Variants in LSP1 observed in about 807,000 individuals in gnomAD.
LSP1 encodes lymphocyte-specific protein 1.
Under a neutral mutation model 49.3 loss-of-function variants are expected in LSP1, and 32 were observed. The ratio of observed to expected loss-of-function variants is 0.65; its 90% confidence interval spans 0.49 to 0.87. LSP1 has a LOEUF of 0.87. Ranked by LOEUF, LSP1 falls within the 40% of genes least tolerant of loss-of-function variation. LSP1 has a pLI of 0.00. For missense variants in LSP1, 428 were observed against 442.6 expected (o/e 0.97, Z 0.30); for synonymous variants, 179 against 178.8 (o/e 1.00, Z -0.01).
intron 1 of LSP1, among the ~76,000 whole-genome samples, chr11:1,878,950 C>G (rs571798049): frequency 6.6e-6 from 1 of 152,002 alleles, no homozygotes; most frequent in Non-Finnish European, 1.5e-5. Context: ...CCAGCCTGTG[C>G]CTACCTCTGT....
intron 1 of LSP1, chr11:1,870,562 T>C (rs1248366808): frequency 1.7e-6 from 2 of 1,150,726 alleles, no homozygotes; most frequent in East Asian, 1.3e-4. Context: ...TGCTGGGTGC[T>C]ACGGTAGGAA....
intron 10 of LSP1, chr11:1,889,506 G>A (rs769018470): frequency 6.5e-6 from 4 of 617,316 alleles, no homozygotes; most frequent in South Asian, 5.7e-5. Context: ...GCTCTGCCGC[G>A]GCTCTGGGCA....
At position 1,883,415 on chromosome 11, in the gene LSP1, A is replaced by G; in HGVS notation, c.357-4A>G. ...AACGGCTTTGCCTCCCTTTCCACCC[A>G]CAGGCCCGGCCTGCATGCCTACGAA... is the stretch of plus-strand genomic sequence containing the variant. On this transcript the variant is annotated splice_polypyrimidine_tract_variant and splice_region_variant and intron_variant, in intron 3 of 10. Coordinates refer to ENST00000311604, the MANE Select transcript of LSP1 (RefSeq NM_002339.3). 6.2e-7 allele frequency: 1 copy of G among 1,613,860 alleles called. No individual in the cohort carries two copies. Among genetic ancestry groups the G allele is most frequent in the South Asian group, 1.1e-5 (1 of 91,070 alleles).
chr11:1,875,591 G>A (rs1202831606), intron 1 of LSP1, among the ~76,000 whole-genome samples: 1 of 152,242 alleles, frequency 6.6e-6, no homozygotes, highest in Non-Finnish European at 1.5e-5. Flanking sequence ...CCCAGGCAGA[G>A]AGGCTAGGGT....
At chr11:1,866,085 G>C (rs1208696561) in intron 1 of LSP1, among the ~76,000 whole-genome samples, 1 of 152,138 alleles carries the variant, frequency 6.6e-6, no homozygotes, top group African/African-American at 2.4e-5. Context: ...GGCAGTCTCA[G>C]AGATATCCCT....
chr11:1,890,882 C>G, intron 10 of LSP1: 1 of 422,646 alleles, frequency 2.4e-6, no homozygotes, highest in East Asian at 3.8e-5. Context: ...GCCACCCCAG[C>G]ACAAAGCAGG....
In LSP1 at chr11:1,865,711, C is replaced by T. The variant is rs138056983; in HGVS notation, c.53+12514C>T. ...ACTGTCACCTGCTCACACCTCTCCC[C>T]GAGCCCCAGGGATTCTGCTTGACTC... On this transcript the variant is annotated intron_variant, in intron 1 of 10. Transcript: ENST00000311604. Among the ~76,000 whole-genome samples the T allele has an allele frequency of 2.5e-3, 372 of 151,654 alleles. 1 individual carries two copies. Among genetic ancestry groups the T allele is most frequent in the African/African-American group, 8.2e-3 (339 of 41,322 alleles).
At chr11:1,862,792 T>C (rs1009898921) in intron 1 of LSP1, among the ~76,000 whole-genome samples, 1 of 56,302 alleles carries the variant, frequency 1.8e-5, no homozygotes, top group African/African-American at 6.8e-5. Context: ...TCACCTCCCC[T>C]GGGTGATCTC....
chr11:1,889,367 G>A (rs756042076), intron 10 of LSP1: 245 of 709,742 alleles, frequency 3.5e-4, no homozygotes, highest in Non-Finnish European at 5.7e-4. Context: ...CTGACATGCG[G>A]TACAGCACGG....
At chr11:1,889,625 T>C in intron 10 of LSP1, 1 of 610,622 alleles carries the variant, frequency 1.6e-6, no homozygotes, top group South Asian at 1.9e-5. Context: ...GGCCTGATGG[T>C]GGGGTAGGGG....
chr11:1,859,740 C>T (rs1427471987), intron 1 of LSP1, among the ~76,000 whole-genome samples: 1 of 151,374 alleles, frequency 6.6e-6, no homozygotes, highest in East Asian at 1.9e-4. Context: ...GACCCACCAC[C>T]CTGCCCCCTA....
chr11:1,861,990 A>AATGGATGGGTGGATGG (rs1847652199), intron 1 of LSP1, among the ~76,000 whole-genome samples: 1 of 75,546 alleles, frequency 1.3e-5, no homozygotes, highest in Non-Finnish European at 2.8e-5. Context: ...TGGATGGGTG[A>AATGGATGGGTGGATGG]ATGGATGGGT....
intron 1 of LSP1, chr11:1,870,596 G>A: frequency 9.0e-7 from 1 of 1,113,768 alleles, no homozygotes; most frequent in South Asian, 2.3e-5. Flanking sequence ...TGGGAGTGGA[G>A]CAGGTGGTTG....
At position 1,853,178 on chromosome 11, in the gene LSP1, G is replaced by A. The variant is rs201670929; in HGVS notation, c.34G>A (p.Glu12Lys). ...AEASSDPGAE[E>K]REELLGPTAQ... ...GGCTTCGAGTGACCCGGGTGCCGAGGAGCGGGAAGAGTTGCTGGGGTAAGG... is the reference window on the plus strand; with the variant it reads ...GGCTTCGAGTGACCCGGGTGCCGAGAAGCGGGAAGAGTTGCTGGGGTAAGG... Residue 12 changes from glutamate to lysine, a missense_variant, in exon 1 of 11, where the codon GAG (glutamate) becomes AAG (lysine). Transcript: ENST00000311604. 7 of 1,611,212 alleles carry A rather than the reference G, an allele frequency of 4.3e-6. No individual in the cohort carries two copies. In the East Asian group the frequency reaches 6.7e-5, roughly 15 times the overall value.
At chr11:1,881,151 C>A in intron 2 of LSP1, 1 of 373,942 alleles carries the variant, frequency 2.7e-6, no homozygotes. Flanking sequence ...CCTCAGGTAG[C>A]CCCAGGCTGA....
At chr11:1,887,418 A>C (rs1848801836) in intron 9 of LSP1, 56 bp from the exon 10 acceptor site, 1 of 1,583,124 alleles carries the variant, frequency 6.3e-7, no homozygotes, top group Admixed American at 1.7e-5. Flanking sequence ...AGGCGGAGGC[A>C]GCATCATCTC....
chr11:1,854,591 G>A (rs775749498), intron 1 of LSP1, among the ~76,000 whole-genome samples: 6 of 152,190 alleles, frequency 3.9e-5, no homozygotes, highest in East Asian at 1.9e-4. Flanking sequence ...AAGGGACCCC[G>A]AGTGCCGTGA....
intron 1 of LSP1, chr11:1,876,593 C>T (rs969516346): frequency 1.7e-5 from 17 of 985,426 alleles, no homozygotes; most frequent in East Asian, 1.1e-4. Context: ...AGAGTCGGGA[C>T]GGGGACCGAG....
intron 1 of LSP1, among the ~76,000 whole-genome samples, chr11:1,853,961 A>T (rs1847424088): frequency 6.6e-6 from 1 of 152,182 alleles, no homozygotes; most frequent in Non-Finnish European, 1.5e-5. Context: ...CTAGCGGCTT[A>T]GTAACTGGGC....
Sources: allele counts gnomAD v4.1 joint callset (sites outside exome capture counted in the v4.1 genomes callset), GRCh38; gene constraint gnomAD v4.1.1; transcripts MANE v1.5; gene names NCBI Gene and HGNC (gene_info 2026-07-23, HGNC 2026-07-21).